The following MSRB3 variants were observed in gnomAD, a reference collection of about 807,000 sequenced individuals.
MSRB3 encodes methionine-R-sulfoxide reductase B3.
MSRB3 carries 13 observed loss-of-function variants against 21.0 expected under a neutral mutation model. That is an observed-to-expected ratio of 0.62 (90% CI 0.40 to 0.98). The LOEUF (loss-of-function observed/expected upper bound fraction) is 0.98. Among genes scored for constraint, MSRB3 ranks in the 50% least tolerant of loss-of-function variants. The pLI is 0.00. For missense variants in MSRB3, 199 were observed against 230.3 expected (o/e 0.86, Z 0.88); for synonymous variants, 87 against 88.6 (o/e 0.98, Z 0.10).
chr12:65,372,068 T>C (rs964096784), intron 5 of MSRB3, among the ~76,000 whole-genome samples: 2 of 152,206 alleles, frequency 1.3e-5, no homozygotes, highest in Admixed American at 1.3e-4. Flanking sequence ...TTTCATGTGA[T>C]TTTTACAATC....
intron 1 of MSRB3, among the ~76,000 whole-genome samples, chr12:65,303,875 A>G (rs1873489379): frequency 6.6e-6 from 1 of 152,176 alleles, no homozygotes; most frequent in Non-Finnish European, 1.5e-5. Flanking sequence ...GAACGAAGAC[A>G]TGGAGGTGAA....
At chr12:65,440,747 T>C (rs1297618427) in intron 5 of MSRB3, among the ~76,000 whole-genome samples, 2 of 151,970 alleles carry the variant, frequency 1.3e-5, no homozygotes, top group East Asian at 3.9e-4. Context: ...TAAGTAGTAA[T>C]AAATACTTGA....
intron 1 of MSRB3, among the ~76,000 whole-genome samples, chr12:65,302,254 T>C (rs1333782579): frequency 6.6e-6 from 1 of 152,138 alleles, no homozygotes; most frequent in East Asian, 1.9e-4. Flanking sequence ...TGGGTAACCG[T>C]AAAGATATAG....
chr12:65,385,045 T>G (rs573187229), intron 5 of MSRB3, among the ~76,000 whole-genome samples: 2 of 152,282 alleles, frequency 1.3e-5, no homozygotes, highest in African/African-American at 4.8e-5. Context: ...AGAGGAAGTC[T>G]TTTTAATCCC....
At chr12:65,334,177 G>A (rs535886335) in intron 4 of MSRB3, among the ~76,000 whole-genome samples, 16 of 152,272 alleles carry the variant, frequency 1.1e-4, no homozygotes, top group African/African-American at 3.9e-4. Flanking sequence ...GCCTTCCACT[G>A]AATAGCTCAT....
At chr12:65,374,921 C>T (rs1257829155) in intron 5 of MSRB3, among the ~76,000 whole-genome samples, 1 of 151,994 alleles carries the variant, frequency 6.6e-6, no homozygotes, top group African/African-American at 2.4e-5. Flanking sequence ...GCGATCTCGG[C>T]TCAATGCAAG....
At chr12:65,417,846 G>A (rs750149969) in intron 5 of MSRB3, among the ~76,000 whole-genome samples, 9 of 152,186 alleles carry the variant, frequency 5.9e-5, no homozygotes, top group Non-Finnish European at 4.4e-5. Flanking sequence ...GCATTTCCTT[G>A]TGTGATTATA....
At chr12:65,315,744 T>C (rs911754810) in intron 2 of MSRB3, among the ~76,000 whole-genome samples, 2 of 151,260 alleles carry the variant, frequency 1.3e-5, no homozygotes, top group East Asian at 1.9e-4. Context: ...ATAAGAGATA[T>C]ACTTTTATAG....
chr12:65,392,404 A>G (rs1383028624), intron 5 of MSRB3, among the ~76,000 whole-genome samples: 1 of 152,210 alleles, frequency 6.6e-6, no homozygotes, highest in Non-Finnish European at 1.5e-5. Flanking sequence ...TGAATAAAAG[A>G]GTGAATCAAG....
intron 1 of MSRB3, among the ~76,000 whole-genome samples, chr12:65,294,204 A>C (rs925812866): frequency 4.6e-5 from 7 of 152,164 alleles, no homozygotes; most frequent in Non-Finnish European, 7.3e-5. Context: ...CAACGTCAGA[A>C]GTGCTTATTA....
intron 5 of MSRB3, among the ~76,000 whole-genome samples, chr12:65,392,414 G>A (rs771138852): frequency 1.2e-4 from 19 of 152,142 alleles, no homozygotes; most frequent in Non-Finnish European, 2.5e-4. Flanking sequence ...AGTGAATCAA[G>A]GACTGAGGAA....
chr12:65,306,653 T>TGTTG (rs1177344090), intron 1 of MSRB3, among the ~76,000 whole-genome samples: 1 of 152,200 alleles, frequency 6.6e-6, no homozygotes, highest in African/African-American at 2.4e-5. Context: ...TGCCCCACTT[T>TGTTG]GTTGGTGCTA....
At chr12:65,461,007 C>T (rs968443629) in intron 6 of MSRB3, among the ~76,000 whole-genome samples, 1 of 152,164 alleles carries the variant, frequency 6.6e-6, no homozygotes, top group Admixed American at 6.5e-5. Context: ...TAAAGATGCT[C>T]AAGAGATTAT....
intron 1 of MSRB3, 87 bp from the exon 2 acceptor site, chr12:65,308,442 A>T (rs1873784461): frequency 5.2e-6 from 8 of 1,526,404 alleles, no homozygotes; most frequent in Non-Finnish European, 7.1e-6. Context: ...TTCCAGATAA[A>T]ACTGTAACCA....
rs932777149 is a variant in MSRB3, at chr12:65,466,229, T to C, written c.*2907T>C. 1.3e-5 allele frequency: 2 copies of C among 152,044 alleles called. No homozygotes were observed. The highest frequency in any genetic ancestry group is 4.8e-5 in the African/African-American group (2 of 41,382). The allele number at this position is 152,044 out of a possible 1,614,324, so 9.4% of individuals were successfully genotyped here. ...AAATGCAACATCTATTGAAAAAAAG[T>C]GGGGTGTATGCATGTGGTTTAATTC... On this transcript the variant is annotated 3_prime_UTR_variant, in exon 7 of 7. Coordinates refer to ENST00000308259, the MANE Select transcript of MSRB3 (RefSeq NM_001031679.3).
At position 65,344,864 on chromosome 12, in the gene MSRB3, A is replaced by G. The variant is rs118060521; in HGVS notation, c.263+16261A>G. ...CAGTAATTTGCAAACCTCACTGTCC[A>G]TTAGAACCATACATTCCAAGTCTCT... On this transcript the variant is annotated intron_variant, in intron 4 of 6. Transcript: ENST00000308259. Among the ~76,000 whole-genome samples the G allele has an allele frequency of 3.7e-3, 564 of 152,168 alleles. 2 individuals are homozygous for G. The highest frequency in any genetic ancestry group is 0.017 in the Middle Eastern group (5 of 294).
intron 5 of MSRB3, among the ~76,000 whole-genome samples, chr12:65,370,241 C>G (rs1878242487): frequency 6.6e-6 from 1 of 152,110 alleles, no homozygotes; most frequent in African/African-American, 2.4e-5. Flanking sequence ...CCTTGATTCA[C>G]AAATGGCTCA....
intron 5 of MSRB3, among the ~76,000 whole-genome samples, chr12:65,383,385 T>C (rs1220770517): frequency 6.6e-6 from 1 of 152,196 alleles, no homozygotes; most frequent in African/African-American, 2.4e-5. Flanking sequence ...AGATTGCCTC[T>C]TTCTGAAGCC....
chr12:65,363,489 T>G (rs897280658), intron 4 of MSRB3, among the ~76,000 whole-genome samples: 2 of 152,194 alleles, frequency 1.3e-5, no homozygotes, highest in African/African-American at 4.8e-5. Flanking sequence ...CATAATTTAA[T>G]TATTTAAAAA....
Sources: allele counts gnomAD v4.1 joint callset (sites outside exome capture counted in the v4.1 genomes callset), GRCh38; gene constraint gnomAD v4.1.1; transcripts MANE v1.5; gene names NCBI Gene and HGNC (gene_info 2026-07-23, HGNC 2026-07-21).